The following PIP4K2A variants were observed in gnomAD, a reference collection of about 807,000 sequenced individuals.
PIP4K2A encodes phosphatidylinositol-5-phosphate 4-kinase type 2 alpha, also known as phosphatidylinositol 5-phosphate 4-kinase type-2 alpha.
PIP4K2A carries 14 observed loss-of-function variants against 42.9 expected under a neutral mutation model. The ratio of observed to expected loss-of-function variants is 0.33; its 90% CI spans 0.22 to 0.51. The LOEUF is 0.51. Ranked by LOEUF, PIP4K2A falls within the 20% of genes least tolerant of loss-of-function variation. PIP4K2A has a pLI of 0.97. For missense variants in PIP4K2A, 434 were observed against 519.8 expected (o/e 0.83, Z 1.61); for synonymous variants, 192 against 192.2 (o/e 1.00, Z 0.01).
intron 4 of PIP4K2A, among the ~76,000 whole-genome samples, chr10:22,590,600 A>C (rs770659404): frequency 6.6e-6 from 1 of 152,208 alleles, no homozygotes; most frequent in African/African-American, 2.4e-5. Flanking sequence ...GTGGAGGCTC[A>C]CACCTGTAAC....
chr10:22,602,894 G>C (rs868314897), intron 3 of PIP4K2A, among the ~76,000 whole-genome samples: 63 of 152,134 alleles, frequency 4.1e-4, no homozygotes, highest in Middle Eastern at 3.4e-3. Context: ...TGTGCTCAAC[G>C]GGTGACAGGC....
At chr10:22,645,886 T>C (rs1564453998) in intron 1 of PIP4K2A, among the ~76,000 whole-genome samples, 1 of 152,050 alleles carries the variant, frequency 6.6e-6, no homozygotes, top group African/African-American at 2.4e-5. Context: ...TTATTTGTAT[T>C]AATTTTTTTA....
chr10:22,675,314 A>C (rs1839536079), intron 1 of PIP4K2A, among the ~76,000 whole-genome samples: 1 of 152,182 alleles, frequency 6.6e-6, no homozygotes, highest in Non-Finnish European at 1.5e-5. Context: ...GAAGCCAGGC[A>C]CGGTGGCTCA....
intron 9 of PIP4K2A, among the ~76,000 whole-genome samples, chr10:22,539,212 A>AG (rs925445028): frequency 2.0e-5 from 3 of 152,148 alleles, no homozygotes; most frequent in African/African-American, 7.2e-5. Flanking sequence ...GGTCCGGGGG[A>AG]GGAATCTCAT....
In PIP4K2A at chr10:22,573,427, G is replaced by T. The variant is rs1729291814; in HGVS notation, c.523C>A (p.Leu175Ile). 6.2e-7 allele frequency: 1 copy of T among 1,613,944 alleles called. No homozygotes were observed. The part of the protein sequence containing the change: ...YIVECHGITL[L>I]PQFLGMYRLN... Reference sequence around the variant, plus strand: ...CGGTACATGCCCAAGAACTGGGGAAGAAGGGTGATCCCATGACATTCCACT... The same window carrying T: ...CGGTACATGCCCAAGAACTGGGGAATAAGGGTGATCCCATGACATTCCACT... The change falls in exon 5 of 10, where the codon CTT becomes ATT. Residue 175 changes from leucine (L) to isoleucine (I), a missense_variant. Physicochemically the swap from Leu to Ile is conservative, Grantham distance 5 (BLOSUM62 2). This residue lies in a region of PIP4K2A where 395 missense variants were observed against 444.5 expected (regional missense o/e 0.89). Coordinates refer to ENST00000376573, the MANE Select transcript of PIP4K2A (RefSeq NM_005028.5).
At chr10:22,697,769 CACAA>C (rs1839999632) in intron 1 of PIP4K2A, among the ~76,000 whole-genome samples, 1 of 152,052 alleles carries the variant, frequency 6.6e-6, no homozygotes, top group African/African-American at 2.4e-5. Flanking sequence ...CACACACACA[CACAA>C]ACACACACAC....
At chr10:22,642,096 G>A (rs1588680731) in intron 1 of PIP4K2A, 1 of 152,386 alleles carries the variant, frequency 6.6e-6, no homozygotes, top group African/African-American at 2.4e-5. Context: ...GGAAGCAGAG[G>A]TGAGAAACAG....
rs12266247 is a variant in PIP4K2A at position 22,609,234 on chromosome 10, G to T, written c.242+386C>A. 5.7e-3 allele frequency among the ~76,000 whole-genome samples: 870 copies of T among 152,328 alleles called. 5 individuals are homozygous for T. Among genetic ancestry groups the T allele is most frequent in the African/African-American group, 0.02 (818 of 41,574 alleles). On this transcript the variant is annotated intron_variant, in intron 2 of 9. Coordinates refer to ENST00000376573, the MANE Select transcript of PIP4K2A (RefSeq NM_005028.5). ...GCATCTAATTGTGCCTTATGAAAAT[G>T]TACCTTGGGTCTTTATTGTTCTAAG...
chr10:22,618,653 A>T (rs1302496134), intron 1 of PIP4K2A, among the ~76,000 whole-genome samples: 1 of 152,150 alleles, frequency 6.6e-6, no homozygotes, highest in Non-Finnish European at 1.5e-5. Context: ...CTCTCTCCAG[A>T]GCTATCTGCA....
intron 1 of PIP4K2A, among the ~76,000 whole-genome samples, chr10:22,681,211 C>G (rs965683591): frequency 6.6e-6 from 1 of 152,150 alleles, no homozygotes; most frequent in Admixed American, 6.5e-5. Flanking sequence ...TTCCCAGGTG[C>G]AAGTAACACT....
chr10:22,695,979 C>T (rs1279976462), intron 1 of PIP4K2A, among the ~76,000 whole-genome samples: 1 of 152,036 alleles, frequency 6.6e-6, no homozygotes, highest in African/African-American at 2.4e-5. Context: ...TGGGTTTTTT[C>T]CCTAATTGTA....
intron 5 of PIP4K2A, chr10:22,569,004 T>A: frequency 5.2e-6 from 8 of 1,532,672 alleles, no homozygotes; most frequent in Non-Finnish European, 7.0e-6. Context: ...ATTCATTAAA[T>A]GAACTTACAG....
chr10:22,627,591 T>TTAAAAAAAAAAAAAAAAAAAAAAAA (rs1838469308), intron 1 of PIP4K2A, among the ~76,000 whole-genome samples: 1 of 56,994 alleles, frequency 1.8e-5, no homozygotes, highest in Admixed American at 2.9e-4. Flanking sequence ...TAATATGTAA[T>TTAAAAAAAAAAAAAAAAAAAAAAAA]AAAAAAAAAA....
At chr10:22,632,367 T>A (rs1838568248) in intron 1 of PIP4K2A, among the ~76,000 whole-genome samples, 1 of 152,166 alleles carries the variant, frequency 6.6e-6, no homozygotes, top group East Asian at 1.9e-4. Context: ...TTTGCTACAT[T>A]TTTATGTCTG....
intron 4 of PIP4K2A, among the ~76,000 whole-genome samples, chr10:22,577,945 T>C (rs1837163602): frequency 6.6e-6 from 1 of 152,208 alleles, no homozygotes; most frequent in Admixed American, 6.5e-5. Flanking sequence ...ATTATGCCAC[T>C]CACTAGATAT....
intron 3 of PIP4K2A, among the ~76,000 whole-genome samples, 155 bp from the exon 4 acceptor site, chr10:22,591,936 T>G (rs552077077): frequency 6.6e-6 from 1 of 152,364 alleles, no homozygotes; most frequent in Non-Finnish European, 1.5e-5. Flanking sequence ...CATTTTTACA[T>G]GCATCATAAC....
intron 4 of PIP4K2A, among the ~76,000 whole-genome samples, chr10:22,578,400 T>G (rs896972478): frequency 1.3e-5 from 2 of 152,178 alleles, no homozygotes; most frequent in Non-Finnish European, 2.9e-5. Context: ...GTGGTTAAAT[T>G]TGACAGATGC....
At chr10:22,665,223 G>A (rs2559519) in intron 1 of PIP4K2A, among the ~76,000 whole-genome samples, 7,322 of 152,274 alleles carry the variant, frequency 0.048, 211 homozygotes, top group African/African-American at 0.077. Context: ...TGCGCAGCTT[G>A]GTTGGTATGT....
intron 3 of PIP4K2A, among the ~76,000 whole-genome samples, chr10:22,607,492 G>C (rs1837930532): frequency 6.6e-6 from 1 of 152,094 alleles, no homozygotes; most frequent in African/African-American, 2.4e-5. Flanking sequence ...GCAAGAGTCT[G>C]ACCAACTTGA....
Sources: gnomAD v4.1 joint callset for allele counts (sites outside exome capture counted in the v4.1 genomes callset) on GRCh38, gnomAD v4.1.1 for gene constraint, gnomAD v4.1.1 regional missense constraint, MANE v1.5 for transcripts, NCBI Gene and HGNC (gene_info 2026-07-23, HGNC 2026-07-21) for gene names.